SYNE2: variants seen among roughly 807,000 people sequenced by gnomAD.
The protein encoded by SYNE2 is spectrin repeat containing nuclear envelope protein 2.
SYNE2 carries 431 observed loss-of-function variants against 856.3 expected under a neutral mutation model. That is an observed-to-expected ratio of 0.50 (90% CI 0.47 to 0.55). The LOEUF is 0.55. SYNE2 is among the 20% of genes least tolerant of loss of function. The pLI, the probability that SYNE2 is intolerant of heterozygous loss-of-function variation, is 0.00. For synonymous variants in SYNE2, 2,923 were observed against 2,872.3 expected (o/e 1.02, Z -0.56); for missense variants, 8,129 against 8,023.2 (o/e 1.01, Z -0.50).
intron 8 of SYNE2, chr14:63,960,699 AC>A (rs766054400): frequency 1.3e-6 from 1 of 751,790 alleles, no homozygotes; most frequent in Non-Finnish European, 2.4e-6. Flanking sequence ...TATTGCATTC[AC>A]CCTTTTGTGA....
chr14:63,824,903 G>T (rs1401843462), intron 1 of SYNE2, among the ~76,000 whole-genome samples: 2 of 152,004 alleles, frequency 1.3e-5, no homozygotes, highest in Non-Finnish European at 2.9e-5. Context: ...GGAGGCCAAG[G>T]TGGGCGGATC....
chr14:63,796,649 C>G (rs1311499603), intron 1 of SYNE2, among the ~76,000 whole-genome samples: 1 of 151,846 alleles, frequency 6.6e-6, no homozygotes, highest in Non-Finnish European at 1.5e-5. Flanking sequence ...AGGAAGAGTA[C>G]CTTGCCTTTT....
At chr14:63,954,962 GA>G in intron 8 of SYNE2, 47 bp downstream of exon 8, 1 of 1,491,834 alleles carries the variant, frequency 6.7e-7, no homozygotes, top group South Asian at 1.1e-5. Flanking sequence ...GGCTTAGCAT[GA>G]AGTTGATTTC....
At chr14:63,944,494 G>A (rs1346268751) in intron 6 of SYNE2, among the ~76,000 whole-genome samples, 3 of 150,148 alleles carry the variant, frequency 2.0e-5, no homozygotes, top group African/African-American at 7.3e-5. Flanking sequence ...TTGTGCCATA[G>A]GGTTTGCAAA....
At chr14:64,001,150 G>A (rs2096751682) in intron 28 of SYNE2, among the ~76,000 whole-genome samples, 1 of 152,154 alleles carries the variant, frequency 6.6e-6, no homozygotes, top group Non-Finnish European at 1.5e-5. Context: ...GAGGCTCAGA[G>A]TCTATATATT....
chr14:63,902,171 G>A (rs916608587), intron 1 of SYNE2, among the ~76,000 whole-genome samples: 1 of 152,022 alleles, frequency 6.6e-6, no homozygotes, highest in Non-Finnish European at 1.5e-5. Context: ...AGCACTTTGG[G>A]TGGCTGAGGC....
intron 77 of SYNE2, 80 bp from the exon 78 acceptor site, chr14:64,133,989 T>G: frequency 6.5e-7 from 1 of 1,537,288 alleles, no homozygotes; most frequent in Admixed American, 1.7e-5. Flanking sequence ...TGTTCATTTT[T>G]GTTTTGTGAT....
At chr14:63,922,532 G>C (rs1050377565) in intron 2 of SYNE2, among the ~76,000 whole-genome samples, 1 of 152,166 alleles carries the variant, frequency 6.6e-6, no homozygotes, top group East Asian at 1.9e-4. Context: ...GCTAGGTGCA[G>C]TGGCTCACGT....
At chr14:63,998,438 G>C in intron 26 of SYNE2, 110 bp downstream of exon 26, 1 of 732,862 alleles carries the variant, frequency 1.4e-6, no homozygotes, top group Admixed American at 2.2e-5. Context: ...TTTTGCATAT[G>C]ATCCAGTAAC....
chr14:63,909,204 A>G lies in SYNE2; in HGVS notation c.56A>G (p.Asp19Gly), dbSNP rs777956796. 3.7e-6 allele frequency: 6 copies of G among 1,613,000 alleles called. No individual in the cohort carries two copies. The highest frequency in any genetic ancestry group is 1.1e-5 in the South Asian group (1 of 90,998). ...GATGAACAGGGTTCCTGGGGCATCG[A>G]CGATCTCCATATTTCATTGCAAGGT... is the stretch of plus-strand genomic sequence containing the variant. ...TEDEQGSWGI[D>G]DLHISLQAEQ... The change falls in exon 2 of 116, where the codon GAC (aspartate) becomes GGC (glycine). Residue 19 changes from aspartate to glycine, a missense_variant. Asp to Gly is a moderately conservative substitution (Grantham distance 94). This residue lies in a region of SYNE2 where 2,422 missense variants were observed against 2,357.4 expected (regional missense o/e 1.03). Transcript: ENST00000555002.
At chr14:64,032,542 A>G (rs1000723990) in intron 45 of SYNE2, among the ~76,000 whole-genome samples, 3 of 149,204 alleles carry the variant, frequency 2.0e-5, no homozygotes, top group African/African-American at 7.6e-5. Flanking sequence ...ACCCTCGGCG[A>G]CAGAGTGAGA....
chr14:64,003,290 A>G lies in SYNE2; in HGVS notation c.4357A>G (p.Ile1453Val). 1.2e-6 allele frequency: 2 copies of G among 1,614,138 alleles called. No individual in the cohort carries two copies. The highest frequency in any genetic ancestry group is 1.1e-5 in the South Asian group (1 of 91,086). ...IQDVQSQISK[I>V]GLKDPTVPAV... Reference sequence around the variant, plus strand: ...AGATGTGCAGAGTCAAATCAGTAAAATTGGTCTTAAGGATCCTACTGTTCC... The same window carrying G: ...AGATGTGCAGAGTCAAATCAGTAAAGTTGGTCTTAAGGATCCTACTGTTCC... Residue 1453 changes from isoleucine (I) to valine (V), a missense_variant, in exon 30 of 116, where the codon ATT becomes GTT. Coordinates refer to ENST00000555002, the MANE Select transcript of SYNE2 (RefSeq NM_182914.3).
rs756545005 is a variant in SYNE2 at position 64,158,635 on chromosome 14, T to C, written c.15803T>C (p.Leu5268Pro). The C allele has an allele frequency of 3.1e-6, 5 of 1,613,864 alleles. No homozygotes were observed. The highest frequency in any genetic ancestry group is 4.2e-6 in the Non-Finnish European group (5 of 1,179,894). ...CCACTTTTTGTCTAGGTCAATCAGC[T>C]CAAAACCTCCATGCAGTCAGTTTTA... is the stretch of plus-strand genomic sequence containing the variant. Reference protein sequence around the residue: ...RSSVLTQVNQLKTSMQSVLQE... With the variant: ...RSSVLTQVNQPKTSMQSVLQE... The change falls in exon 86 of 116, where the codon CTC (leucine) becomes CCC (proline). Residue 5268 changes from leucine (L) to proline (P), a missense_variant. Physicochemically the swap from Leu to Pro is moderately conservative, Grantham distance 98. Transcript: ENST00000555002.
intron 19 of SYNE2, among the ~76,000 whole-genome samples, chr14:63,989,452 C>T (rs1363245026): frequency 3.3e-5 from 5 of 152,076 alleles, no homozygotes; most frequent in African/African-American, 9.7e-5. Context: ...ATTCTTCTAC[C>T]TCAGCCTGCC....
intron 54 of SYNE2, among the ~76,000 whole-genome samples, 169 bp downstream of exon 54, chr14:64,076,269 A>G (rs775668718): frequency 1.3e-4 from 20 of 152,216 alleles, no homozygotes; most frequent in African/African-American, 1.4e-4. Flanking sequence ...TGCTCTAAAT[A>G]TGTGACATAA....
intron 7 of SYNE2, among the ~76,000 whole-genome samples, chr14:63,953,539 G>GATAGATAGATAGAT (rs1566897832): frequency 9.9e-4 from 130 of 131,374 alleles, no homozygotes; most frequent in African/African-American, 3.7e-3. Context: ...GATAGAGAGA[G>GATAGATAGATAGAT]AGAGAGATAG....
chr14:63,764,808 C>T (rs1460652518), intron 1 of SYNE2, among the ~76,000 whole-genome samples: 1 of 151,950 alleles, frequency 6.6e-6, no homozygotes, highest in Non-Finnish European at 1.5e-5. Flanking sequence ...ATTAGCTGGG[C>T]GTGGTGGCGC....
chr14:64,152,804 T>C lies in SYNE2; in HGVS notation c.15792+88T>C, dbSNP rs2153704762. 3.3e-6 allele frequency: 5 copies of C among 1,526,902 alleles called. No individual in the cohort carries two copies. The South Asian group carries it at 3.4e-5, about 10-fold the overall frequency. The allele number at this position is 1,526,902 out of a possible 1,614,324, so 94.6% of individuals were successfully genotyped here. On this transcript the variant is annotated intron_variant, in intron 85 of 115. Coordinates refer to ENST00000555002, the MANE Select transcript of SYNE2 (RefSeq NM_182914.3). ...TGTAGTTGTTTTCGTCCTTTACTCA[T>C]GGAGACTCTCTATACCAAACACTGA...
At chr14:64,039,857 ACTC>A (rs2097133843) in intron 45 of SYNE2, among the ~76,000 whole-genome samples, 1 of 152,122 alleles carries the variant, frequency 6.6e-6, no homozygotes, top group Non-Finnish European at 1.5e-5. Flanking sequence ...ATTGATAGAT[ACTC>A]CAGAATAGAC....
Sources: allele counts gnomAD v4.1 joint callset (sites outside exome capture counted in the v4.1 genomes callset), GRCh38; gene constraint gnomAD v4.1.1; regional missense constraint gnomAD v4.1.1; transcripts MANE v1.5; gene names NCBI Gene and HGNC (gene_info 2026-07-23, HGNC 2026-07-21).